TPRG1: variants seen among roughly 807,000 people sequenced by gnomAD.
TPRG1 encodes the protein tumor protein p63 regulated 1, also known as tumor protein p63-regulated gene 1 protein.
In TPRG1, 29 loss-of-function variants were observed where a neutral mutation model predicts 29.3. The observed-to-expected ratio is 0.99, with a 90% confidence interval of 0.74 to 1.35. The LOEUF (loss-of-function observed/expected upper bound fraction) is 1.35. Ranked by LOEUF, TPRG1 falls within the 40% of genes most tolerant of loss-of-function variation. TPRG1 has a pLI of 0.00. For synonymous variants in TPRG1, 130 were observed against 116.8 expected (o/e 1.11, Z -0.73); for missense variants, 327 against 335.0 (o/e 0.98, Z 0.19).
chr3:189,277,804 A>T (rs921225321), intron 4 of TPRG1, among the ~76,000 whole-genome samples: 1 of 152,210 alleles, frequency 6.6e-6, no homozygotes, highest in Non-Finnish European at 1.5e-5. Context: ...AATCACTATT[A>T]TGTTAGCTGG....
chr3:189,064,732 G>C (rs1716325634), intron 4 of TPRG1, among the ~76,000 whole-genome samples: 1 of 152,020 alleles, frequency 6.6e-6, no homozygotes. Context: ...GCTAATTAGA[G>C]AATACTGTGA....
intron 5 of TPRG1, among the ~76,000 whole-genome samples, chr3:189,165,864 T>C (rs1363274078): frequency 6.6e-6 from 1 of 152,120 alleles, no homozygotes; most frequent in African/African-American, 2.4e-5. Flanking sequence ...GTGTTGCCAA[T>C]ATGGAAAATC....
intron 1 of TPRG1, among the ~76,000 whole-genome samples, chr3:189,199,966 T>C (rs1253814104): frequency 6.6e-6 from 1 of 152,132 alleles, no homozygotes; most frequent in African/African-American, 2.4e-5. Flanking sequence ...AGTCTCACCT[T>C]TATTTTGTAG....
chr3:189,004,216 AT>A (rs1712174924), intron 2 of TPRG1, among the ~76,000 whole-genome samples: 1 of 152,106 alleles, frequency 6.6e-6, no homozygotes, highest in Non-Finnish European at 1.5e-5. Flanking sequence ...CCATGACACA[AT>A]TTACCTATAT....
chr3:189,007,973 A>G (rs995567020), intron 3 of TPRG1, among the ~76,000 whole-genome samples: 1 of 150,294 alleles, frequency 6.7e-6, no homozygotes, highest in Non-Finnish European at 1.5e-5. Flanking sequence ...GGTGCAGCGC[A>G]CCAGCATGGC....
At chr3:189,257,033 T>C (rs1365494989) in intron 4 of TPRG1, among the ~76,000 whole-genome samples, 1 of 152,238 alleles carries the variant, frequency 6.6e-6, no homozygotes, top group Non-Finnish European at 1.5e-5. Flanking sequence ...ATGTGTGAAT[T>C]TGATCCTGTC....
intron 4 of TPRG1, among the ~76,000 whole-genome samples, chr3:189,048,199 A>T (rs150270664): frequency 1.2e-3 from 176 of 152,362 alleles, no homozygotes; most frequent in African/African-American, 3.9e-3. Flanking sequence ...AACAGGCATG[A>T]AAACAACATT....
chr3:189,039,349 C>G (rs1714484742), intron 4 of TPRG1, among the ~76,000 whole-genome samples: 1 of 152,166 alleles, frequency 6.6e-6, no homozygotes, highest in South Asian at 2.1e-4. Context: ...CACCCTTGTT[C>G]CTGGCACTCT....
At chr3:189,022,623 T>A (rs1713395450) in intron 3 of TPRG1, among the ~76,000 whole-genome samples, 1 of 152,160 alleles carries the variant, frequency 6.6e-6, no homozygotes. Flanking sequence ...GGAGAACTAC[T>A]GCTCTCTTCA....
intron 3 of TPRG1, among the ~76,000 whole-genome samples, chr3:189,232,145 A>AG (rs1738769425): frequency 6.6e-6 from 1 of 152,172 alleles, no homozygotes; most frequent in Non-Finnish European, 1.5e-5. Context: ...CTTACTAAAG[A>AG]GAAAAAGTAG....
intron 4 of TPRG1, among the ~76,000 whole-genome samples, chr3:189,079,858 A>G (rs563856243): frequency 1.3e-5 from 2 of 152,364 alleles, no homozygotes; most frequent in African/African-American, 2.4e-5. Flanking sequence ...CGAGGCATTC[A>G]TCTGACTCGT....
intron 4 of TPRG1, among the ~76,000 whole-genome samples, chr3:189,306,804 G>A (rs6444364): frequency 0.56 from 85,308 of 151,960 alleles, 24,824 homozygotes; most frequent in African/African-American, 0.7. Context: ...TTTATCATCC[G>A]TTATCCTCCT....
chr3:189,208,648 G>A (rs568710453), intron 2 of TPRG1, among the ~76,000 whole-genome samples: 8 of 152,226 alleles, frequency 5.3e-5, no homozygotes, highest in Non-Finnish European at 1.0e-4. Context: ...TAGTAGGTGC[G>A]ATACTATATG....
At chr3:189,128,915 G>A (rs1324633175) in intron 2 of TPRG1, among the ~76,000 whole-genome samples, 4 of 152,116 alleles carry the variant, frequency 2.6e-5, no homozygotes, top group African/African-American at 4.8e-5. Flanking sequence ...GATTACAGGC[G>A]TGAGCTGCCG....
At chr3:189,229,057 G>A (rs997777075) in intron 3 of TPRG1, among the ~76,000 whole-genome samples, 6 of 152,042 alleles carry the variant, frequency 3.9e-5, no homozygotes, top group Admixed American at 6.6e-5. Flanking sequence ...GGTACAAATC[G>A]CACAAACATG....
intron 4 of TPRG1, among the ~76,000 whole-genome samples, chr3:189,068,068 G>T: frequency 6.6e-6 from 1 of 152,054 alleles, no homozygotes; most frequent in East Asian, 1.9e-4. Flanking sequence ...ATATGAAAAG[G>T]TGCTCAATAT....
At chr3:189,045,724 T>C (rs895878928) in intron 4 of TPRG1, among the ~76,000 whole-genome samples, 2 of 152,242 alleles carry the variant, frequency 1.3e-5, no homozygotes, top group African/African-American at 4.8e-5. Context: ...AAAGAAATTA[T>C]TTATATTATA....
At chr3:189,010,885 T>C (rs1405492699) in intron 3 of TPRG1, among the ~76,000 whole-genome samples, 1 of 152,226 alleles carries the variant, frequency 6.6e-6, no homozygotes, top group African/African-American at 2.4e-5. Flanking sequence ...AGGGTTTTTA[T>C]AGTTTTGGGT....
intron 5 of TPRG1, among the ~76,000 whole-genome samples, chr3:189,318,038 GATAT>G (rs1368863942): frequency 6.6e-6 from 1 of 152,138 alleles, no homozygotes; most frequent in Admixed American, 6.6e-5. Flanking sequence ...ATGCAAGGAT[GATAT>G]ATACAGTCTG....
Sources: allele counts gnomAD v4.1 joint callset (sites outside exome capture counted in the v4.1 genomes callset), GRCh38; gene constraint gnomAD v4.1.1; transcripts MANE v1.5; gene names NCBI Gene and HGNC (gene_info 2026-07-23, HGNC 2026-07-21).